The following SLC15A5 variants were observed in gnomAD, a reference collection of about 807,000 sequenced individuals.
SLC15A5 encodes Peptide/histidine transporter ENSP00000340402.
SLC15A5 carries 58 observed loss-of-function variants against 56.1 expected under a neutral mutation model. That is an observed-to-expected ratio of 1.03 (90% CI 0.84 to 1.29). The LOEUF (loss-of-function observed/expected upper bound fraction) is 1.29, where lower values mean the gene tolerates loss of function less well. Ranked by LOEUF, SLC15A5 falls within the 50% of genes most tolerant of loss-of-function variation. SLC15A5 has a pLI of 0.00. For synonymous variants in SLC15A5, 264 were observed against 250.5 expected (o/e 1.05, Z -0.51); for missense variants, 681 against 672.1 (o/e 1.01, Z -0.15).
chr12:16,233,735 C>T (rs554066640), intron 5 of SLC15A5, among the ~76,000 whole-genome samples: 2 of 152,178 alleles, frequency 1.3e-5, no homozygotes, highest in Non-Finnish European at 1.5e-5. Flanking sequence ...TGAAAGTGTC[C>T]TCCCTGACCA....
chr12:16,266,094 A>G (rs1591661184), intron 2 of SLC15A5, among the ~76,000 whole-genome samples: 1 of 152,222 alleles, frequency 6.6e-6, no homozygotes, highest in South Asian at 2.1e-4. Flanking sequence ...ATTTACTGTG[A>G]TCCACTAAAT....
chr12:16,219,297 A>G (rs915839880), intron 6 of SLC15A5, among the ~76,000 whole-genome samples: 4 of 152,316 alleles, frequency 2.6e-5, no homozygotes, highest in Admixed American at 2.6e-4. Flanking sequence ...ACCAATCACC[A>G]GCAGGAACCT....
intron 7 of SLC15A5, among the ~76,000 whole-genome samples, chr12:16,208,274 TC>T (rs1864040837): frequency 6.6e-6 from 1 of 152,246 alleles, no homozygotes; most frequent in Admixed American, 6.5e-5. Context: ...AACATTCCTT[TC>T]TTCAGGGCAT....
intron 6 of SLC15A5, 100 bp downstream of exon 6, chr12:16,224,314 T>C: frequency 9.0e-7 from 1 of 1,111,322 alleles, no homozygotes; most frequent in East Asian, 2.6e-5. Flanking sequence ...CTCTAGGAGG[T>C]GAATAGATGA....
At chr12:16,193,746 C>CT (rs1863861266) in intron 8 of SLC15A5, among the ~76,000 whole-genome samples, 1 of 119,476 alleles carries the variant, frequency 8.4e-6, no homozygotes, top group East Asian at 2.8e-4. Flanking sequence ...AGAATTTTCT[C>CT]AAAAGTACAC....
chr12:16,232,681 C>T (rs1002650103), intron 5 of SLC15A5, among the ~76,000 whole-genome samples: 10 of 152,008 alleles, frequency 6.6e-5, no homozygotes, highest in African/African-American at 2.2e-4. Flanking sequence ...TTTGGGAGGC[C>T]GAGGTGGGAG....
At position 16,193,827 on chromosome 12, in the gene SLC15A5, GA is replaced by G. The variant is rs1565654524; in HGVS notation, c.1592+517del. Among the ~76,000 whole-genome samples, 448 of 104,598 alleles carry G rather than the reference GA, an allele frequency of 4.3e-3. 17 individuals are homozygous for G. The highest frequency in any genetic ancestry group is 0.014 in the African/African-American group (418 of 30,716). 68.6% of individuals were successfully genotyped at this position (104,598 alleles called of 152,430 possible). ...AGAGAGAGAGAGAGAGAGAGAGAGAGAGAGAGAGAGAGAGAGAGGCTGGCAA... is the reference window on the plus strand; with the variant it reads ...AGAGAGAGAGAGAGAGAGAGAGAGAGGAGAGAGAGAGAGAGAGGCTGGCAA... On this transcript the variant is annotated intron_variant, in intron 8 of 8. Transcript: ENST00000344941.
intron 1 of SLC15A5, 84 bp downstream of exon 1, chr12:16,277,241 A>G: frequency 7.9e-7 from 1 of 1,261,458 alleles, no homozygotes; most frequent in Non-Finnish European, 1.1e-6. Context: ...CTAAGAGCAG[A>G]GTGAAAATAA....
chr12:16,192,859 C>G (rs938582556), intron 8 of SLC15A5, among the ~76,000 whole-genome samples: 1 of 152,040 alleles, frequency 6.6e-6, no homozygotes, highest in Non-Finnish European at 1.5e-5. Context: ...CTCACAAAAG[C>G]CTTATGATAC....
chr12:16,214,792 A>C (rs1591644341), intron 7 of SLC15A5, among the ~76,000 whole-genome samples: 1 of 152,116 alleles, frequency 6.6e-6, no homozygotes, highest in East Asian at 1.9e-4. Context: ...AGTTCTGTGA[A>C]TTTTTCTAGC....
At chr12:16,253,716 TAAG>T (rs1864541761) in intron 3 of SLC15A5, among the ~76,000 whole-genome samples, 1 of 151,986 alleles carries the variant, frequency 6.6e-6, no homozygotes. Flanking sequence ...GAAATAATAA[TAAG>T]AAGATGTCAC....
At chr12:16,249,207 G>A (rs888240840) in intron 3 of SLC15A5, among the ~76,000 whole-genome samples, 4 of 151,936 alleles carry the variant, frequency 2.6e-5, no homozygotes, top group South Asian at 2.1e-4. Context: ...AATGAATTCC[G>A]TGCTTGACAG....
chr12:16,232,217 T>C lies in SLC15A5; in HGVS notation c.1162+7464A>G, dbSNP rs143044520. On this transcript the variant is annotated intron_variant, in intron 5 of 8. Transcript: ENST00000344941. ...AGAAATCTTAGAAACCAAATATGAC[T>C]TCTGAAATACAAAACTCAGCAGAAA... Among the ~76,000 whole-genome samples, 254 of 152,216 alleles carry C rather than the reference T, an allele frequency of 1.7e-3. 6 individuals are homozygous for C. In the East Asian group the frequency reaches 0.027, roughly 16 times the overall value.
At chr12:16,216,063 G>A (rs1043564438) in intron 7 of SLC15A5, among the ~76,000 whole-genome samples, 6 of 128,384 alleles carry the variant, frequency 4.7e-5, no homozygotes, top group African/African-American at 1.6e-4. Context: ...TCTGTTACAA[G>A]AGAATAGAAA....
intron 7 of SLC15A5, among the ~76,000 whole-genome samples, chr12:16,197,097 G>A (rs948098689): frequency 1.4e-4 from 21 of 148,422 alleles, no homozygotes; most frequent in African/African-American, 5.2e-4. Flanking sequence ...AAAAAAAAAA[G>A]AAAAGAAAAC....
chr12:16,214,974 G>C (rs1864115836), intron 7 of SLC15A5, among the ~76,000 whole-genome samples: 1 of 151,902 alleles, frequency 6.6e-6, no homozygotes, highest in Non-Finnish European at 1.5e-5. Flanking sequence ...GGAGGCCGAG[G>C]CGGGCGGATC....
intron 1 of SLC15A5, among the ~76,000 whole-genome samples, chr12:16,273,921 ATATT>A (rs1446686610): frequency 6.7e-6 from 1 of 148,986 alleles, no homozygotes; most frequent in Non-Finnish European, 1.5e-5. Context: ...TATTTTAAAA[ATATT>A]TATATTTTAC....
chr12:16,203,320 A>T (rs932072844), intron 7 of SLC15A5, among the ~76,000 whole-genome samples: 2 of 152,154 alleles, frequency 1.3e-5, no homozygotes, highest in African/African-American at 4.8e-5. Context: ...TTAAATTTTC[A>T]CGGAAAAAGT....
intron 2 of SLC15A5, among the ~76,000 whole-genome samples, chr12:16,270,267 C>T (rs960753587): frequency 1.3e-5 from 2 of 152,150 alleles, no homozygotes; most frequent in African/African-American, 4.8e-5. Context: ...AATGACACAT[C>T]TCATTAAAGG....
Sources: allele counts gnomAD v4.1 joint callset (sites outside exome capture counted in the v4.1 genomes callset), GRCh38; gene constraint gnomAD v4.1.1; transcripts MANE v1.5; gene names NCBI Gene and HGNC (gene_info 2026-07-23, HGNC 2026-07-21).